CAMSAP2: variants seen among roughly 807,000 people sequenced by gnomAD.
The protein encoded by CAMSAP2 is calmodulin regulated spectrin associated protein family member 2, also known as calmodulin-regulated spectrin-associated protein 2.
In CAMSAP2, 26 loss-of-function variants were observed where a neutral mutation model predicts 146.1. The ratio of observed to expected loss-of-function variants is 0.18; its 90% CI spans 0.13 to 0.25. The LOEUF (loss-of-function observed/expected upper bound fraction) is 0.25. Ranked by LOEUF, CAMSAP2 falls within the 10% of genes least tolerant of loss-of-function variation. The pLI, the probability that CAMSAP2 is intolerant of heterozygous loss-of-function variation, is 1.00. For missense variants in CAMSAP2, 1,381 were observed against 1,759.3 expected (o/e 0.78, Z 3.85); for synonymous variants, 499 against 596.6 (o/e 0.84, Z 2.38).
rs768329881 is a variant in CAMSAP2, at chr1:200,848,814, C to G, written c.2045C>G (p.Ser682Cys). The change falls in exon 11 of 17, where the codon TCT becomes TGT. Residue 682 changes from serine to cysteine, a missense_variant. Coordinates refer to ENST00000358823, the MANE Select transcript of CAMSAP2 (RefSeq NM_203459.4). The stretch of plus-strand genomic sequence containing the variant: ...CCAGGCAGCAGTGCTTCTTCTAGTT[C>G]TGGAGTTAAAATGACCAGCTTTGCT... ...SQPGSSASSSSGVKMTSFAEQ... is the reference protein window; with the variant it reads ...SQPGSSASSSCGVKMTSFAEQ... The G allele has an allele frequency of 2.6e-5, 42 of 1,614,002 alleles. No individual in the cohort carries two copies. The highest frequency in any genetic ancestry group is 6.7e-5 in the African/African-American group (5 of 74,912).
intron 1 of CAMSAP2, among the ~76,000 whole-genome samples, chr1:200,743,636 A>G (rs997698620): frequency 1.3e-5 from 2 of 151,964 alleles, no homozygotes; most frequent in Admixed American, 1.3e-4. Context: ...GGGGGCGGGT[A>G]TGATAATAAA....
At chr1:200,815,437 G>A (rs1666455146) in intron 3 of CAMSAP2, 124 bp from the exon 4 acceptor site, 1 of 454,678 alleles carries the variant, frequency 2.2e-6, no homozygotes, top group Non-Finnish European at 3.9e-6. Flanking sequence ...TTATTTGAGT[G>A]AGACTGATAT....
At chr1:200,827,139 G>A (rs1666925699) in intron 4 of CAMSAP2, among the ~76,000 whole-genome samples, 1 of 152,200 alleles carries the variant, frequency 6.6e-6, no homozygotes, top group Non-Finnish European at 1.5e-5. Context: ...CAGCCAATCT[G>A]TGGGTTTCCT....
chr1:200,752,619 CTTTT>C, intron 1 of CAMSAP2, among the ~76,000 whole-genome samples: 1 of 142,652 alleles, frequency 7.0e-6, no homozygotes. Flanking sequence ...GTCATGTCTC[CTTTT>C]TTTTTTTTTG....
chr1:200,805,792 A>G (rs1487436370), intron 2 of CAMSAP2, among the ~76,000 whole-genome samples: 2 of 152,202 alleles, frequency 1.3e-5, no homozygotes, highest in East Asian at 3.8e-4. Flanking sequence ...GGAGAAGGAA[A>G]TGGTAGATTC....
chr1:200,740,034 G>A, intron 1 of CAMSAP2, 68 bp downstream of exon 1: 1 of 1,555,932 alleles, frequency 6.4e-7, no homozygotes, highest in Non-Finnish European at 8.8e-7. Context: ...TTTTGTTCCC[G>A]ATTCTCGAAT....
chr1:200,763,879 G>C (rs996272323), intron 2 of CAMSAP2, among the ~76,000 whole-genome samples: 4 of 152,086 alleles, frequency 2.6e-5, no homozygotes, highest in Non-Finnish European at 5.9e-5. Flanking sequence ...TTTGAGACCA[G>C]CCTAGCCAAC....
In CAMSAP2 at chr1:200,828,573, TCTC is replaced by T. The variant is rs1422487575; in HGVS notation, c.646-3624_646-3622del. On this transcript the variant is annotated intron_variant, in intron 4 of 16. Coordinates refer to ENST00000358823, the MANE Select transcript of CAMSAP2 (RefSeq NM_203459.4). ...TTTTTTCCCGCTGCTTCCTCTGAAG[TCTC>T]CTTCCAAATGGTTTTGGAAACTGGT... 4.1e-5 allele frequency: 64 copies of T among 1,550,096 alleles called. No individual in the cohort carries two copies. The East Asian group carries it at 1.5e-3, about 37-fold the overall frequency.
At chr1:200,766,006 T>G (rs1019579788) in intron 2 of CAMSAP2, among the ~76,000 whole-genome samples, 7 of 152,188 alleles carry the variant, frequency 4.6e-5, no homozygotes, top group African/African-American at 1.7e-4. Context: ...TGGAATAGAT[T>G]TTCATACTAT....
rs1471359833 is a variant in CAMSAP2 at position 200,848,737 on chromosome 1, C to T, written c.1968C>T (p.Asn656=). The T allele has an allele frequency of 1.2e-6, 2 of 1,614,162 alleles. No individual in the cohort carries two copies. The highest frequency in any genetic ancestry group is 1.7e-6 in the Non-Finnish European group (2 of 1,180,006). The part of the protein sequence containing the change: ...FLQDYDIRTG[N]TREALSPCPS... The stretch of plus-strand genomic sequence containing the variant: ...AGGATTATGATATTCGAACTGGCAA[C>T]ACCAGGGAAGCTTTGAGTCCTTGTC... Residue 656 remains asparagine, a synonymous_variant, in exon 11 of 17, where the codon AAC becomes AAT. Transcript: ENST00000358823.
chr1:200,811,678 A>G (rs1236772685), intron 3 of CAMSAP2, among the ~76,000 whole-genome samples: 1 of 152,196 alleles, frequency 6.6e-6, no homozygotes, highest in African/African-American at 2.4e-5. Flanking sequence ...CTATTCCACT[A>G]TTACCAGAAC....
At chr1:200,784,038 T>C (rs1484772473) in intron 2 of CAMSAP2, among the ~76,000 whole-genome samples, 1 of 126,314 alleles carries the variant, frequency 7.9e-6, no homozygotes, top group African/African-American at 2.6e-5. Flanking sequence ...CATTTTACCC[T>C]TTTTTTTTAA....
chr1:200,768,098 A>T lies in CAMSAP2; in HGVS notation c.399+7000A>T, dbSNP rs572543137. 7.2e-5 allele frequency among the ~76,000 whole-genome samples: 11 copies of T among 152,348 alleles called. No homozygotes were observed. The East Asian group carries it at 2.1e-3, about 29-fold the overall frequency. On this transcript the variant is annotated intron_variant, in intron 2 of 16. Coordinates refer to ENST00000358823, the MANE Select transcript of CAMSAP2 (RefSeq NM_203459.4). ...TGCATTGTCCTTTGTATTTTCTACC[A>T]TGATTACAAAGAGTTTCATGTTCTT...
At chr1:200,790,316 T>C (rs1330261614) in intron 2 of CAMSAP2, among the ~76,000 whole-genome samples, 1 of 151,986 alleles carries the variant, frequency 6.6e-6, no homozygotes, top group Non-Finnish European at 1.5e-5. Context: ...AGAAATTCTC[T>C]CTCCCCTCCC....
intron 1 of CAMSAP2, among the ~76,000 whole-genome samples, chr1:200,753,009 A>G (rs1040927809): frequency 6.6e-6 from 1 of 152,026 alleles, no homozygotes; most frequent in East Asian, 1.9e-4. Flanking sequence ...AAGATAGAGC[A>G]CCAGCCTGGG....
intron 2 of CAMSAP2, among the ~76,000 whole-genome samples, chr1:200,801,141 A>G (rs1208527189): frequency 4.6e-5 from 7 of 151,884 alleles, no homozygotes; most frequent in African/African-American, 1.7e-4. Flanking sequence ...GTGTGTGCCT[A>G]TAGTCCCAGC....
intron 2 of CAMSAP2, among the ~76,000 whole-genome samples, chr1:200,761,649 C>CG (rs1664804851): frequency 6.6e-6 from 1 of 151,586 alleles, no homozygotes. Context: ...GCAGGAGAAT[C>CG]GCTTGAACCC....
intron 2 of CAMSAP2, among the ~76,000 whole-genome samples, chr1:200,790,077 A>G (rs1048873276): frequency 2.6e-5 from 4 of 152,164 alleles, no homozygotes; most frequent in African/African-American, 9.7e-5. Flanking sequence ...ATTAGGTCTC[A>G]GGCTTTTAGT....
chr1:200,850,635 TC>T (rs1239454951), intron 11 of CAMSAP2, among the ~76,000 whole-genome samples: 1 of 152,190 alleles, frequency 6.6e-6, no homozygotes, highest in Non-Finnish European at 1.5e-5. Context: ...GAGACTCTGT[TC>T]CTTGCAGAGG....
Sources: allele counts gnomAD v4.1 joint callset (sites outside exome capture counted in the v4.1 genomes callset), GRCh38; gene constraint gnomAD v4.1.1; transcripts MANE v1.5; gene names NCBI Gene and HGNC (gene_info 2026-07-23, HGNC 2026-07-21).